The following HACE1 variants were observed in gnomAD, a reference collection of about 807,000 sequenced individuals.
HACE1 encodes E3 ubiquitin-protein ligase HACE1.
In HACE1, 73 loss-of-function variants were observed where a neutral mutation model predicts 118.4. The observed-to-expected ratio is 0.62, with a 90% confidence interval of 0.51 to 0.75. The LOEUF is 0.75. Ranked by LOEUF, HACE1 falls within the 30% of genes least tolerant of loss-of-function variation. The pLI is 0.00. For missense variants in HACE1, 749 were observed against 1,102.2 expected, an observed-to-expected ratio of 0.68 and a Z score of 4.54; for synonymous variants, 368 against 374.8, an observed-to-expected ratio of 0.98 and a Z score of 0.21.
At chr6:104,780,285 C>A in intron 14 of HACE1, 1 of 404,504 alleles carries the variant, frequency 2.5e-6, no homozygotes, top group South Asian at 1.9e-5. Flanking sequence ...AGATCAAACA[C>A]ACACACACAC....
chr6:104,824,024 T>A (rs1184060163), intron 6 of HACE1, among the ~76,000 whole-genome samples: 1 of 152,148 alleles, frequency 6.6e-6, no homozygotes, highest in Non-Finnish European at 1.5e-5. Context: ...TGATGAGTAG[T>A]AAGGATAATA....
At chr6:104,831,584 C>CA (rs111566392) in intron 6 of HACE1, among the ~76,000 whole-genome samples, 3,932 of 110,248 alleles carry the variant, frequency 0.036, 183 homozygotes, top group African/African-American at 0.12. Flanking sequence ...GCCTCCGTCT[C>CA]AAAAAAAAAA....
intron 22 of HACE1, among the ~76,000 whole-genome samples, chr6:104,743,361 A>T (rs1489707205): frequency 6.6e-6 from 1 of 151,884 alleles, no homozygotes; most frequent in African/African-American, 2.4e-5. Context: ...TATATTCACT[A>T]TTATGCTTTT....
At chr6:104,744,022 CT>C in intron 22 of HACE1, 137 bp downstream of exon 22, 1 of 640,986 alleles carries the variant, frequency 1.6e-6, no homozygotes, top group East Asian at 2.7e-5. Flanking sequence ...ATAAATCTTT[CT>C]TTAATACCTA....
chr6:104,753,500 G>GT (rs764769167), intron 19 of HACE1, among the ~76,000 whole-genome samples: 1 of 152,122 alleles, frequency 6.6e-6, no homozygotes, highest in African/African-American at 2.4e-5. Flanking sequence ...CCAACAACAG[G>GT]TAAGTACCTA....
chr6:104,854,011 T>C (rs1776485936), intron 1 of HACE1, among the ~76,000 whole-genome samples: 1 of 152,190 alleles, frequency 6.6e-6, no homozygotes, highest in Admixed American at 6.5e-5. Context: ...GTGGTCTCTC[T>C]CCCTCTCTCT....
intron 17 of HACE1, among the ~76,000 whole-genome samples, chr6:104,775,394 A>G (rs973313817): frequency 5.9e-5 from 9 of 152,062 alleles, no homozygotes; most frequent in African/African-American, 2.2e-4. Flanking sequence ...AAAGAAAAAA[A>G]AAAACAAAAA....
intron 17 of HACE1, among the ~76,000 whole-genome samples, chr6:104,776,505 G>T (rs536201341): frequency 2.0e-5 from 3 of 152,178 alleles, no homozygotes; most frequent in Non-Finnish European, 4.4e-5. Flanking sequence ...AAGCATTTGG[G>T]AACCAACTGT....
Position 104,760,705 on chromosome 6 carries a change from G to A in HACE1, c.2212-10233C>T, listed in dbSNP as rs141665849. ...TTGGAAATTCTGGCCAGGGCAATCA[G>A]GCAAGAGAAAGCAATAAAGTGTATT... On this transcript the variant is annotated intron_variant, in intron 19 of 23. Coordinates refer to ENST00000262903, the MANE Select transcript of HACE1 (RefSeq NM_020771.4). 2.8e-3 allele frequency among the ~76,000 whole-genome samples: 433 copies of A among 152,314 alleles called. 2 individuals are homozygous for A. The highest frequency in any genetic ancestry group is 9.9e-3 in the African/African-American group (413 of 41,566).
At position 104,745,455 on chromosome 6, in the gene HACE1, C is replaced by CCTTTTTTTTTTT. The variant is rs1554221266; in HGVS notation, c.2344-846_2344-845insAAAAAAAAAAAG. ...TGATGATTCAGAATATCAGGATTTC[C>CCTTTTTTTTTTT]TTTTTTTTTGAGACCGAGTCTGGCT... On this transcript the variant is annotated intron_variant, in intron 20 of 23. Transcript: ENST00000262903. 1.4e-4 allele frequency among the ~76,000 whole-genome samples: 19 copies of CCTTTTTTTTTTT among 132,010 alleles called. No individual in the cohort carries two copies. In the East Asian group the frequency reaches 4.0e-3, roughly 28 times the overall value. 86.6% of individuals were successfully genotyped at this position (132,010 alleles called of 152,430 possible). A position where few individuals can be genotyped will look rare whatever the true frequency, so the allele number is the denominator to read the frequency against.
chr6:104,855,879 T>C, intron 1 of HACE1, among the ~76,000 whole-genome samples: 1 of 152,254 alleles, frequency 6.6e-6, no homozygotes, highest in East Asian at 1.9e-4. Flanking sequence ...TTAGTGAGCA[T>C]AATAAGGTTC....
intron 22 of HACE1, among the ~76,000 whole-genome samples, chr6:104,736,567 T>C (rs1319066022): frequency 6.6e-6 from 1 of 152,174 alleles, no homozygotes; most frequent in African/African-American, 2.4e-5. Flanking sequence ...CAGGCACTAC[T>C]ATAAATGTCT....
intron 22 of HACE1, 117 bp downstream of exon 22, chr6:104,744,043 A>G: frequency 1.4e-6 from 1 of 719,046 alleles, no homozygotes; most frequent in Non-Finnish European, 2.5e-6. Flanking sequence ...AAAACAGTGG[A>G]AAGGGTGGTA....
At chr6:104,834,976 A>C (rs1004801374) in intron 5 of HACE1, among the ~76,000 whole-genome samples, 24 of 152,248 alleles carry the variant, frequency 1.6e-4, no homozygotes, top group African/African-American at 5.8e-4. Flanking sequence ...CACATTGAAC[A>C]AAGAATACCA....
At chr6:104,758,293 CAGAG>C (rs201723229) in intron 19 of HACE1, among the ~76,000 whole-genome samples, 26,426 of 151,912 alleles carry the variant, frequency 0.17, 2,421 homozygotes, top group African/African-American at 0.24. Flanking sequence ...TAAGGGCAGC[CAGAG>C]AGAAAGGTCG....
intron 7 of HACE1, among the ~76,000 whole-genome samples, chr6:104,804,881 T>C (rs994941369): frequency 3.9e-5 from 6 of 152,092 alleles, no homozygotes; most frequent in African/African-American, 7.2e-5. Context: ...ACTAAAGAGC[T>C]TCTGCACAGC....
chr6:104,808,248 CAATTA>C, intron 7 of HACE1, among the ~76,000 whole-genome samples: 1 of 151,532 alleles, frequency 6.6e-6, no homozygotes, highest in African/African-American at 2.4e-5. Flanking sequence ...CCCTGTAGAG[CAATTA>C]AATTAAATGA....
chr6:104,730,132 A>C (rs1403706808), intron 23 of HACE1, among the ~76,000 whole-genome samples, 171 bp downstream of exon 23: 5 of 152,142 alleles, frequency 3.3e-5, no homozygotes, highest in Non-Finnish European at 7.4e-5. Flanking sequence ...CATTTTCCCT[A>C]CCAAAAACAG....
rs772027934 is a variant in HACE1 at position 104,791,662 on chromosome 6, T to C, written c.924-8A>G. On this transcript the variant is annotated splice_region_variant and splice_polypyrimidine_tract_variant and intron_variant, in intron 10 of 23. Coordinates refer to ENST00000262903, the MANE Select transcript of HACE1 (RefSeq NM_020771.4). ...TCATAATTGCTAGAGAGGCTGAAAATAAAAATTAAAATATGAGATTAGAGT... is the reference window on the plus strand; with the variant it reads ...TCATAATTGCTAGAGAGGCTGAAAACAAAAATTAAAATATGAGATTAGAGT... 6.3e-7 allele frequency: 1 copy of C among 1,578,372 alleles called. No homozygotes were observed. Among genetic ancestry groups the C allele is most frequent in the South Asian group, 1.1e-5 (1 of 90,172 alleles).
Sources: allele counts gnomAD v4.1 joint callset (sites outside exome capture counted in the v4.1 genomes callset), GRCh38; gene constraint gnomAD v4.1.1; transcripts MANE v1.5; gene names NCBI Gene and HGNC (gene_info 2026-07-23, HGNC 2026-07-21).